Variants in MIPOL1 observed in about 807,000 individuals in gnomAD.
MIPOL1 encodes the protein mirror-image polydactyly 1.
A neutral mutation model predicts 60.9 loss-of-function variants in MIPOL1; 57 were observed. The ratio of observed to expected loss-of-function variants is 0.94; its 90% confidence interval spans 0.76 to 1.17. The LOEUF (loss-of-function observed/expected upper bound fraction) is 1.17, where lower values mean the gene tolerates loss of function less well. Ranked by LOEUF, MIPOL1 falls within the 50% of genes most tolerant of loss-of-function variation. The probability of loss-of-function intolerance (pLI) is 0.00; values close to 1 mark genes in which losing one functional copy is unlikely to be tolerated. For missense variants in MIPOL1, 551 were observed against 511.6 expected (o/e 1.08, Z -0.74); for synonymous variants, 179 against 168.8 (o/e 1.06, Z -0.47).
At chr14:37,520,266 A>AT (rs2095403493) in intron 12 of MIPOL1, among the ~76,000 whole-genome samples, 1 of 152,150 alleles carries the variant, frequency 6.6e-6, no homozygotes, top group African/African-American at 2.4e-5. Context: ...AGTAAGGTTG[A>AT]TTTGTATTCC....
At chr14:37,210,698 T>A (rs556091924) in intron 1 of MIPOL1, among the ~76,000 whole-genome samples, 52 of 152,042 alleles carry the variant, frequency 3.4e-4, no homozygotes, top group African/African-American at 1.1e-3. Context: ...ACTGGTTGAG[T>A]CATCTAAAGG....
intron 10 of MIPOL1, among the ~76,000 whole-genome samples, chr14:37,410,589 T>G (rs1289976624): frequency 3.9e-5 from 6 of 152,132 alleles, no homozygotes; most frequent in Non-Finnish European, 1.5e-5. Flanking sequence ...AAAAGAAAAG[T>G]GACTAATATA....
intron 11 of MIPOL1, among the ~76,000 whole-genome samples, chr14:37,440,598 A>C (rs1471895900): frequency 3.3e-5 from 5 of 152,182 alleles, no homozygotes; most frequent in Non-Finnish European, 7.3e-5. Context: ...GCTACAAAAA[A>C]CATGATTTCA....
chr14:37,530,741 T>C (rs2095473889), intron 12 of MIPOL1, among the ~76,000 whole-genome samples: 1 of 152,044 alleles, frequency 6.6e-6, no homozygotes. Context: ...GTCATTCAGA[T>C]TGAGAATTAT....
chr14:37,308,577 A>G, intron 9 of MIPOL1, 58 bp downstream of exon 9: 2 of 1,291,700 alleles, frequency 1.5e-6, no homozygotes, highest in Non-Finnish European at 1.0e-6. Context: ...CTATTTTTTT[A>G]ACCATTAAAA....
intron 9 of MIPOL1, among the ~76,000 whole-genome samples, chr14:37,331,413 G>C (rs2153454392): frequency 6.6e-6 from 1 of 151,730 alleles, no homozygotes; most frequent in East Asian, 1.9e-4. Flanking sequence ...AGTTTTTAGT[G>C]TGTGTGTGTG....
chr14:37,534,114 A>AGAT (rs979321300), intron 12 of MIPOL1, among the ~76,000 whole-genome samples: 1 of 151,962 alleles, frequency 6.6e-6, no homozygotes, highest in African/African-American at 2.4e-5. Context: ...AAGAAGAAGA[A>AGAT]GATGATGATG....
chr14:37,377,649 T>C (rs910030852), intron 10 of MIPOL1, among the ~76,000 whole-genome samples: 4 of 152,040 alleles, frequency 2.6e-5, no homozygotes, highest in African/African-American at 9.7e-5. Flanking sequence ...ACAGTTGATA[T>C]AATCTTCATA....
At chr14:37,215,204 A>G (rs1967419137) in intron 1 of MIPOL1, among the ~76,000 whole-genome samples, 1 of 152,108 alleles carries the variant, frequency 6.6e-6, no homozygotes, top group African/African-American at 2.4e-5. Flanking sequence ...CACGTGACCA[A>G]TGTGACCTTA....
intron 12 of MIPOL1, among the ~76,000 whole-genome samples, chr14:37,508,930 C>T (rs2095303917): frequency 6.6e-6 from 1 of 152,048 alleles, no homozygotes; most frequent in South Asian, 2.1e-4. Flanking sequence ...TTCATCATTC[C>T]TTCCTGAAGC....
chr14:37,369,192 C>T (rs1368341385), intron 9 of MIPOL1, among the ~76,000 whole-genome samples: 4 of 151,850 alleles, frequency 2.6e-5, no homozygotes, highest in African/African-American at 9.7e-5. Context: ...TTTTATTCAA[C>T]CAACAGATAG....
At chr14:37,346,920 T>C (rs543124726) in intron 9 of MIPOL1, among the ~76,000 whole-genome samples, 2 of 152,096 alleles carry the variant, frequency 1.3e-5, no homozygotes, top group African/African-American at 4.8e-5. Context: ...TCCTGAGAAA[T>C]TAAAGAGCCA....
chr14:37,442,871 G>T (rs921354000), intron 11 of MIPOL1, among the ~76,000 whole-genome samples: 1 of 152,032 alleles, frequency 6.6e-6, no homozygotes, highest in East Asian at 1.9e-4. Flanking sequence ...TGTGTTCATG[G>T]ATCAGAAGAC....
At chr14:37,395,363 G>T (rs1399427615) in intron 10 of MIPOL1, among the ~76,000 whole-genome samples, 1 of 152,260 alleles carries the variant, frequency 6.6e-6, no homozygotes, top group Non-Finnish European at 1.5e-5. Flanking sequence ...CAACAATATT[G>T]ATTCTACCCA....
At chr14:37,420,820 T>A (rs1595702178) in intron 10 of MIPOL1, among the ~76,000 whole-genome samples, 1 of 152,066 alleles carries the variant, frequency 6.6e-6, no homozygotes, top group South Asian at 2.1e-4. Flanking sequence ...CCCGAGGTGA[T>A]GGGGGATGAA....
intron 10 of MIPOL1, among the ~76,000 whole-genome samples, chr14:37,393,818 C>T (rs2093309126): frequency 6.6e-6 from 1 of 150,848 alleles, no homozygotes; most frequent in Non-Finnish European, 1.5e-5. Flanking sequence ...ATACACTGCA[C>T]CCTGTTTGTA....
chr14:37,371,542 A>T (rs1265547295), intron 10 of MIPOL1, among the ~76,000 whole-genome samples: 1 of 152,074 alleles, frequency 6.6e-6, no homozygotes, highest in Non-Finnish European at 1.5e-5. Flanking sequence ...ATTCATTAAT[A>T]AGCTAGCTTA....
intron 10 of MIPOL1, among the ~76,000 whole-genome samples, chr14:37,422,597 T>C (rs1010969742): frequency 1.3e-5 from 2 of 152,038 alleles, no homozygotes; most frequent in African/African-American, 4.8e-5. Context: ...CAGAAGGGCA[T>C]ATATCTGATG....
intron 1 of MIPOL1, among the ~76,000 whole-genome samples, chr14:37,226,179 G>T (rs898265256): frequency 6.6e-6 from 1 of 152,092 alleles, no homozygotes; most frequent in Non-Finnish European, 1.5e-5. Flanking sequence ...CCTGCAAACT[G>T]TTCCAACCCC....
Sources: allele counts gnomAD v4.1 joint callset (sites outside exome capture counted in the v4.1 genomes callset), GRCh38; gene constraint gnomAD v4.1.1; transcripts MANE v1.5; gene names NCBI Gene and HGNC (gene_info 2026-07-23, HGNC 2026-07-21).